DNHD1: variants seen among roughly 807,000 people sequenced by gnomAD.
DNHD1 encodes the protein dynein heavy chain domain-containing protein 1.
DNHD1 carries 383 observed loss-of-function variants against 458.1 expected under a neutral mutation model. That is an observed-to-expected ratio of 0.84 (90% CI 0.77 to 0.91). The LOEUF is 0.91. DNHD1 is among the 40% of genes least tolerant of loss of function. The pLI, the probability that DNHD1 is intolerant of heterozygous loss-of-function variation, is 0.00. For synonymous variants in DNHD1, 2,203 were observed against 2,376.9 expected (o/e 0.93, Z 2.13); for missense variants, 5,336 against 5,866.1 (o/e 0.91, Z 2.95).
In DNHD1 at chr11:6,548,366, C is replaced by T; in HGVS notation, c.7062C>T (p.Ile2354=). ...CTGGCCAATACCTGAGCAGCCACATCAAAGGAACTTTGGGCACCTTTCACC... is the reference window on the plus strand; with the variant it reads ...CTGGCCAATACCTGAGCAGCCACATTAAAGGAACTTTGGGCACCTTTCACC... The part of the protein sequence containing the change: ...PFTGQYLSSH[I]KGTLGTFHPS... Residue 2354 remains isoleucine, a synonymous_variant, in exon 23 of 43, where the codon ATC becomes ATT. Transcript: ENST00000254579. This position sits in a 1 kb window ranked among gnomAD's most constrained non-coding sequence, Gnocchi z 4.4. 6.4e-7 allele frequency: 1 copy of T among 1,551,710 alleles called. No individual in the cohort carries two copies. Among genetic ancestry groups the T allele is most frequent in the Non-Finnish European group, 8.7e-7 (1 of 1,146,996 alleles).
At chr11:6,549,109 C>A (rs1853282818) in intron 24 of DNHD1, 176 bp downstream of exon 24, 2 of 693,180 alleles carry the variant, frequency 2.9e-6, no homozygotes, top group Non-Finnish European at 4.7e-6. Flanking sequence ...ACTCTCATGG[C>A]CTCATCTCTG....
intron 7 of DNHD1, 88 bp from the exon 8 acceptor site, chr11:6,519,512 T>TC: frequency 6.7e-7 from 1 of 1,489,152 alleles, no homozygotes; most frequent in Non-Finnish European, 9.2e-7. Context: ...GGTCCCAGAC[T>TC]CCAAGACCTG....
At chr11:6,523,402 AT>A (rs570822757) in intron 10 of DNHD1, among the ~76,000 whole-genome samples, 2 of 151,270 alleles carry the variant, frequency 1.3e-5, no homozygotes, top group Admixed American at 1.3e-4. Flanking sequence ...AGAAGGAAAG[AT>A]TTTTTTTTCC....
Position 6,540,092 on chromosome 11 carries a change from C to G in DNHD1, c.3628+9C>G. 6.4e-7 allele frequency: 1 copy of G among 1,550,868 alleles called. No homozygotes were observed. The highest frequency in any genetic ancestry group is 8.7e-7 in the Non-Finnish European group (1 of 1,146,284). On this transcript the variant is annotated intron_variant, in intron 18 of 42. Coordinates refer to ENST00000254579, the MANE Select transcript of DNHD1 (RefSeq NM_144666.3). Reference sequence around the variant, plus strand: ...CACCTTCATCCTCTCAGGTGAGACCCAGACCTTGTGACCTAGTGAAAGCCC... The same window carrying G: ...CACCTTCATCCTCTCAGGTGAGACCGAGACCTTGTGACCTAGTGAAAGCCC...
intron 16 of DNHD1, 96 bp from the exon 17 acceptor site, chr11:6,539,123 A>G: frequency 1.2e-6 from 1 of 846,228 alleles, no homozygotes; most frequent in South Asian, 1.6e-5. Context: ...CTGGGGTCTG[A>G]GCTGGGCTGG....
chr11:6,533,246 C>T, intron 13 of DNHD1, 62 bp downstream of exon 13: 1 of 1,496,280 alleles, frequency 6.7e-7, no homozygotes, highest in Admixed American at 2.0e-5. Context: ...AAAAGCTCAG[C>T]ACACTCTCTT....
intron 6 of DNHD1, among the ~76,000 whole-genome samples, chr11:6,510,781 A>G (rs1852321832): frequency 6.6e-6 from 1 of 152,132 alleles, no homozygotes; most frequent in African/African-American, 2.4e-5. Context: ...ATCCTTTTCA[A>G]GGATGTTTAC....
rs957509434 is a variant in DNHD1, at chr11:6,529,137, C to T, written c.2347+16C>T. 100 of 1,547,348 alleles carry T rather than the reference C, an allele frequency of 6.5e-5. No homozygotes were observed. In the East Asian group the frequency reaches 7.1e-4, roughly 11 times the overall value. ...GCAGAGATGGGTGAGTACTGCTTCTCTTCCCTCTCCTCCTTCCCTTTTCTG... is the reference window on the plus strand; with the variant it reads ...GCAGAGATGGGTGAGTACTGCTTCTTTTCCCTCTCCTCCTTCCCTTTTCTG... On this transcript the variant is annotated intron_variant, in intron 12 of 42. Coordinates refer to ENST00000254579, the MANE Select transcript of DNHD1 (RefSeq NM_144666.3).
chr11:6,520,277 C>T lies in DNHD1; in HGVS notation c.1825C>T (p.Leu609=). Residue 609 remains leucine (L), a synonymous_variant, in exon 10 of 43, where the codon CTG becomes TTG. Transcript: ENST00000254579. ...SADLKTSSDS[L]YSEEEDEEED... The stretch of plus-strand genomic sequence containing the variant: ...AGACCTGAAGACCTCCTCGGATTCC[C>T]TGTATTCTGAAGGTATTTAGGGAGA... 2 of 1,551,972 alleles carry T rather than the reference C, an allele frequency of 1.3e-6. No individual in the cohort carries two copies. Among genetic ancestry groups the T allele is most frequent in the Non-Finnish European group, 1.7e-6 (2 of 1,147,080 alleles).
chr11:6,567,651 C>T lies in DNHD1; in HGVS notation c.12142C>T (p.Arg4048Ter), dbSNP rs201118703. ...LQKLILWRVL[R>*]PECLAGALAD... ...GAAGCTGATCCTGTGGCGCGTTCTG[C>T]GACCTGAGTGCCTGGCAGGTGCCCT... The change falls in exon 36 of 43, where the codon CGA becomes TGA. Residue 4048 changes from arginine to a stop codon, truncating the protein, a stop_gained. Coordinates refer to ENST00000254579, the MANE Select transcript of DNHD1 (RefSeq NM_144666.3). LOFTEE classifies it high-confidence loss of function. The T allele has an allele frequency of 7.2e-4, 1,154 of 1,613,938 alleles. 1 individual carries two copies. The highest frequency in any genetic ancestry group is 9.1e-4 in the Non-Finnish European group (1,077 of 1,179,904).
At position 6,570,252 on chromosome 11, in the gene DNHD1, GT is replaced by G. The variant is rs1226649625; in HGVS notation, c.12965del (p.Phe4322SerfsTer15). On this transcript the variant is annotated frameshift_variant, in exon 41 of 43. Transcript: ENST00000254579. LOFTEE classifies it high-confidence loss of function. ...GACTCTAACCTCATCTTCAGCTTCAGTTTTCTACGGGGGTCCTCTGGGGGAC... is the reference window on the plus strand; with the variant it reads ...GACTCTAACCTCATCTTCAGCTTCAGTTTCTACGGGGGTCCTCTGGGGGAC... ...RAAMQELAAS[V>X]FYGGPLGDTE... 6.2e-7 allele frequency: 1 copy of G among 1,613,616 alleles called. No homozygotes were observed. The highest frequency in any genetic ancestry group is 1.3e-5 in the African/African-American group (1 of 74,882).
chr11:6,532,594 T>C (rs1852848499), intron 12 of DNHD1, among the ~76,000 whole-genome samples: 1 of 152,186 alleles, frequency 6.6e-6, no homozygotes, highest in African/African-American at 2.4e-5. Context: ...GTTTCATCTT[T>C]TTGGAGAATT....
At chr11:6,550,609 A>G (rs1258022316) in intron 24 of DNHD1, among the ~76,000 whole-genome samples, 3 of 152,274 alleles carry the variant, frequency 2.0e-5, no homozygotes, top group Non-Finnish European at 2.9e-5. Context: ...TGAGATCTAT[A>G]TAGCTGTACG....
chr11:6,544,022 G>T, intron 18 of DNHD1, 99 bp from the exon 19 acceptor site: 8 of 836,628 alleles, frequency 9.6e-6, no homozygotes, highest in East Asian at 7.3e-5. Flanking sequence ...CAGGGTCTCT[G>T]TAACTGCCTC....
chr11:6,518,738 A>G (rs1158699191), intron 7 of DNHD1, among the ~76,000 whole-genome samples: 2 of 152,174 alleles, frequency 1.3e-5, no homozygotes, highest in Non-Finnish European at 2.9e-5. Context: ...CATGGAAGAA[A>G]ACATCTCACT....
At chr11:6,542,081 T>G (rs953358713) in intron 18 of DNHD1, among the ~76,000 whole-genome samples, 12 of 152,234 alleles carry the variant, frequency 7.9e-5, no homozygotes, top group Non-Finnish European at 1.8e-4. Context: ...CATTGATAAA[T>G]GGCACCCAGC....
intron 10 of DNHD1, among the ~76,000 whole-genome samples, chr11:6,521,250 A>C (rs1852598944): frequency 6.6e-6 from 1 of 152,248 alleles, no homozygotes. Context: ...CATGCTACAG[A>C]TGTGCCTTCT....
intron 7 of DNHD1, 67 bp from the exon 8 acceptor site, chr11:6,519,533 C>G (rs1210666004): frequency 3.2e-6 from 5 of 1,575,630 alleles, no homozygotes; most frequent in Non-Finnish European, 4.3e-6. Context: ...AGAGTTTGCA[C>G]AGACTAGTGG....
At chr11:6,544,455 G>A in intron 19 of DNHD1, 119 bp from the exon 20 acceptor site, 1 of 1,024,768 alleles carries the variant, frequency 9.8e-7, no homozygotes, top group Non-Finnish European at 1.4e-6. Context: ...GAGTCCTGCT[G>A]GGCAGAGTAT....
Sources: allele counts gnomAD v4.1 joint callset (sites outside exome capture counted in the v4.1 genomes callset), GRCh38; gene constraint gnomAD v4.1.1; non-coding constraint Gnocchi (gnomAD v3.1); transcripts MANE v1.5; gene names NCBI Gene and HGNC (gene_info 2026-07-23, HGNC 2026-07-21).